Variants in LRP1B observed in about 807,000 individuals in gnomAD.
LRP1B encodes the protein low-density lipoprotein receptor-related protein 1B.
A neutral mutation model predicts 556.6 loss-of-function variants in LRP1B; 217 were observed. The ratio of observed to expected loss-of-function variants is 0.39; its 90% CI spans 0.35 to 0.44. LRP1B has a LOEUF of 0.44. Among genes scored for constraint, LRP1B ranks in the 20% least tolerant of loss-of-function variants. The pLI, the probability that LRP1B is intolerant of heterozygous loss-of-function variation, is 1.00. For synonymous variants in LRP1B, 2,047 were observed against 1,865.8 expected, an observed-to-expected ratio of 1.10 and a Z score of -2.50; for missense variants, 5,053 against 5,620.8, an observed-to-expected ratio of 0.90 and a Z score of 3.23.
At chr2:141,941,793 G>A (rs1700812423) in intron 1 of LRP1B, among the ~76,000 whole-genome samples, 1 of 152,126 alleles carries the variant, frequency 6.6e-6, no homozygotes, top group Non-Finnish European at 1.5e-5. Flanking sequence ...AAGAGTCCAT[G>A]TCAAATATTC....
In LRP1B at chr2:140,401,644, T is replaced by C. The variant is rs1389115221; in HGVS notation, c.10415-15635A>G. On this transcript the variant is annotated intron_variant, in intron 66 of 90. Coordinates refer to ENST00000389484, the MANE Select transcript of LRP1B (RefSeq NM_018557.3). ...GAGCTCTATGGTCCTGCCTATCACC[T>C]GAGAAATGAGAATACCTCCCCTGGG... 2.0e-5 allele frequency among the ~76,000 whole-genome samples: 3 copies of C among 152,268 alleles called. No individual in the cohort carries two copies. The East Asian group carries it at 5.8e-4, about 30-fold the overall frequency.
At chr2:141,028,663 A>T (rs1018499097) in intron 11 of LRP1B, among the ~76,000 whole-genome samples, 2 of 152,086 alleles carry the variant, frequency 1.3e-5, no homozygotes, top group East Asian at 3.9e-4. Flanking sequence ...CTTATATTAG[A>T]ACAAAAATCA....
At chr2:141,768,272 A>C (rs1694791463) in intron 2 of LRP1B, among the ~76,000 whole-genome samples, 1 of 152,076 alleles carries the variant, frequency 6.6e-6, no homozygotes, top group Admixed American at 6.6e-5. Flanking sequence ...ATTATTCCTT[A>C]GTATTTATAC....
chr2:140,530,732 C>T (rs1285504878), intron 47 of LRP1B, among the ~76,000 whole-genome samples: 3 of 152,086 alleles, frequency 2.0e-5, no homozygotes, highest in African/African-American at 7.2e-5. Context: ...GTCCTGCATT[C>T]AGCGTGACCA....
intron 17 of LRP1B, among the ~76,000 whole-genome samples, chr2:140,988,274 G>A (rs1696986486): frequency 6.6e-6 from 1 of 151,962 alleles, no homozygotes; most frequent in Non-Finnish European, 1.5e-5. Context: ...GTCTCTGGAG[G>A]TCCTTTTCTC....
intron 2 of LRP1B, among the ~76,000 whole-genome samples, chr2:141,655,287 G>A (rs1010392813): frequency 4.6e-5 from 7 of 152,078 alleles, no homozygotes; most frequent in Non-Finnish European, 8.8e-5. Flanking sequence ...AAGGCTTAAT[G>A]TCCTTTCTTC....
chr2:141,577,292 G>T (rs6429908), intron 2 of LRP1B, among the ~76,000 whole-genome samples: 1 of 151,822 alleles, frequency 6.6e-6, no homozygotes, highest in Non-Finnish European at 1.5e-5. Context: ...TGTATGATTT[G>T]GGGGATTATC....
chr2:140,438,759 G>A (rs550252888), intron 66 of LRP1B, among the ~76,000 whole-genome samples: 52 of 152,150 alleles, frequency 3.4e-4, no homozygotes, highest in Non-Finnish European at 6.9e-4. Context: ...CAGCAAATGA[G>A]GCTGAGTCAA....
intron 7 of LRP1B, among the ~76,000 whole-genome samples, chr2:141,086,720 G>T (rs2104898906): frequency 6.6e-6 from 1 of 151,496 alleles, no homozygotes; most frequent in East Asian, 2.0e-4. Context: ...GTCATATGAG[G>T]ATCACCACAT....
At chr2:140,950,936 C>A (rs544547728) in intron 19 of LRP1B, among the ~76,000 whole-genome samples, 1 of 149,672 alleles carries the variant, frequency 6.7e-6, no homozygotes, top group Admixed American at 6.7e-5. Context: ...GATTTAATAT[C>A]AACTGCTAAA....
chr2:140,514,616 T>C (rs1558935477), intron 51 of LRP1B, 37 bp downstream of exon 51: 1 of 1,583,704 alleles, frequency 6.3e-7, no homozygotes, highest in South Asian at 1.2e-5. Context: ...TATATAATGC[T>C]TAAAAACTGA....
intron 35 of LRP1B, among the ~76,000 whole-genome samples, chr2:140,730,859 G>A (rs567362509): frequency 1.3e-5 from 2 of 151,964 alleles, no homozygotes; most frequent in African/African-American, 2.4e-5. Context: ...GCCCAGCCTC[G>A]ATTATGTTAT....
chr2:140,373,455 T>C (rs1488622306), intron 68 of LRP1B, among the ~76,000 whole-genome samples: 1 of 152,134 alleles, frequency 6.6e-6, no homozygotes, highest in South Asian at 2.1e-4. Context: ...TCTACTTTCA[T>C]TTGTCCCTGT....
intron 3 of LRP1B, among the ~76,000 whole-genome samples, chr2:141,403,317 C>T (rs968985982): frequency 6.6e-6 from 1 of 151,830 alleles, no homozygotes; most frequent in Admixed American, 6.5e-5. Context: ...TTAATAGGAA[C>T]ATCTAAATAT....
intron 2 of LRP1B, among the ~76,000 whole-genome samples, chr2:141,758,645 A>C (rs1694409938): frequency 6.6e-6 from 1 of 152,062 alleles, no homozygotes; most frequent in Non-Finnish European, 1.5e-5. Flanking sequence ...AATCTAGATA[A>C]CTCTACTAGG....
chr2:141,024,501 C>T (rs1187804500), intron 11 of LRP1B, among the ~76,000 whole-genome samples: 7 of 151,972 alleles, frequency 4.6e-5, no homozygotes, highest in Non-Finnish European at 8.8e-5. Context: ...TACAGATCAT[C>T]ACTCTATGAC....
At chr2:141,788,267 G>C (rs972817470) in intron 2 of LRP1B, among the ~76,000 whole-genome samples, 14 of 151,980 alleles carry the variant, frequency 9.2e-5, no homozygotes, top group Non-Finnish European at 1.6e-4. Context: ...GAATTGTTGA[G>C]CTCCCTAAAA....
chr2:140,522,075 T>C (rs970211099), intron 49 of LRP1B, among the ~76,000 whole-genome samples: 1 of 152,016 alleles, frequency 6.6e-6, no homozygotes, highest in Non-Finnish European at 1.5e-5. Flanking sequence ...ATTCAACACT[T>C]GACCTATTGG....
At chr2:141,639,304 G>GTA (rs577532316) in intron 2 of LRP1B, among the ~76,000 whole-genome samples, 58 of 58,420 alleles carry the variant, frequency 9.9e-4, no homozygotes, top group Admixed American at 1.7e-3. Context: ...CATCATGTGT[G>GTA]TATATATATA....
Sources: allele counts gnomAD v4.1 joint callset (sites outside exome capture counted in the v4.1 genomes callset), GRCh38; gene constraint gnomAD v4.1.1; transcripts MANE v1.5; gene names NCBI Gene and HGNC (gene_info 2026-07-23, HGNC 2026-07-21).